Variants in GRAMD1B observed in about 807,000 individuals in gnomAD.
The protein encoded by GRAMD1B is protein Aster-B.
A neutral mutation model predicts 99.7 loss-of-function variants in GRAMD1B; 37 were observed. The observed-to-expected ratio is 0.37, with a 90% confidence interval of 0.29 to 0.49. GRAMD1B has a LOEUF of 0.49. GRAMD1B is among the 20% of genes least tolerant of loss of function. GRAMD1B has a pLI of 0.98. For synonymous variants in GRAMD1B, 427 were observed against 387.6 expected (o/e 1.10, Z -1.19); for missense variants, 888 against 1,009.2 (o/e 0.88, Z 1.63).
chr11:123,535,301 TTC>T (rs1943851504), intron 2 of GRAMD1B, among the ~76,000 whole-genome samples: 1 of 152,050 alleles, frequency 6.6e-6, no homozygotes, highest in African/African-American at 2.4e-5. Context: ...TTTTTTTTTT[TTC>T]CCCCATTTTA....
At chr11:123,438,486 GA>G (rs2134243139) in intron 1 of GRAMD1B, among the ~76,000 whole-genome samples, 1 of 152,252 alleles carries the variant, frequency 6.6e-6, no homozygotes, top group South Asian at 2.1e-4. Context: ...GAGGTGTGAG[GA>G]TGACCCTGTT....
intron 1 of GRAMD1B, among the ~76,000 whole-genome samples, chr11:123,470,029 G>GA (rs1327409777): frequency 6.6e-6 from 1 of 152,114 alleles, no homozygotes; most frequent in Non-Finnish European, 1.5e-5. Context: ...AAAGTATGGG[G>GA]AAATAGAGTC....
chr11:123,480,254 T>A (rs899478381), intron 1 of GRAMD1B, among the ~76,000 whole-genome samples: 13 of 152,234 alleles, frequency 8.5e-5, no homozygotes, highest in Non-Finnish European at 1.8e-4. Flanking sequence ...CGCCTCAGCC[T>A]CCCCTGGAGG....
chr11:123,593,925 A>C (rs1234906313), intron 4 of GRAMD1B, among the ~76,000 whole-genome samples, 157 bp from the exon 5 acceptor site: 1 of 152,084 alleles, frequency 6.6e-6, no homozygotes, highest in African/African-American at 2.4e-5. Flanking sequence ...CTCCACACCG[A>C]GGCGCCGTTC....
rs770249241 is a variant in GRAMD1B at position 123,609,898 on chromosome 11, T to C, written c.1761T>C (p.Thr587=). Residue 587 remains threonine (T), a synonymous_variant, in exon 13 of 20, where the codon ACT becomes ACC. Coordinates refer to ENST00000635736, the MANE Select transcript of GRAMD1B (RefSeq NM_001387025.1). ...LTNPLAPKTA[T]VRETQTMYKA... ...ACCCTCTGGCTCCCAAAACTGCCAC[T>C]GTCAGGGAGACACAGGTGAGCAGAG... 1.3e-6 allele frequency: 2 copies of C among 1,575,924 alleles called. No individual in the cohort carries two copies. Among genetic ancestry groups the C allele is most frequent in the African/African-American group, 1.3e-5 (1 of 74,280 alleles).
intron 7 of GRAMD1B, chr11:123,597,914 G>T: frequency 1.0e-6 from 1 of 975,780 alleles, no homozygotes; most frequent in Non-Finnish European, 1.7e-6. Flanking sequence ...GCCTGGGCTA[G>T]CCCCAAAGCT....
rs562439650 is a variant in GRAMD1B at position 123,576,342 on chromosome 11, C to G, written c.453-1025C>G. ...GGTGGGCAGGACACCCCAGCAGCCC[C>G]GTGCAGGCTTTCCAATCTCACATTT... is the stretch of plus-strand genomic sequence containing the variant. On this transcript the variant is annotated intron_variant, in intron 2 of 19. Coordinates refer to ENST00000635736, the MANE Select transcript of GRAMD1B (RefSeq NM_001387025.1). Among the ~76,000 whole-genome samples the G allele has an allele frequency of 2.8e-3, 422 of 152,332 alleles. 1 individual carries two copies. Among genetic ancestry groups the G allele is most frequent in the Middle Eastern group, 6.8e-3 (2 of 294 alleles).
chr11:123,510,041 A>G lies in GRAMD1B; in HGVS notation c.452+29148A>G, dbSNP rs2135279591. Reference sequence around the variant, plus strand: ...TCAGTCTGAATGTTATTGCAAGGTGAGTGGCTTCACCGGGCGAATTTCTCT... The same window carrying G: ...TCAGTCTGAATGTTATTGCAAGGTGGGTGGCTTCACCGGGCGAATTTCTCT... On this transcript the variant is annotated intron_variant, in intron 2 of 19. Coordinates refer to ENST00000635736, the MANE Select transcript of GRAMD1B (RefSeq NM_001387025.1). This position sits in a 1 kb window ranked among gnomAD's most constrained non-coding sequence, Gnocchi z 4.3. The G allele has an allele frequency of 6.6e-6, 1 of 152,336 alleles. No individual in the cohort carries two copies. Among genetic ancestry groups the G allele is most frequent in the Middle Eastern group, 3.4e-3 (1 of 294 alleles). The allele number at this position is 152,336 out of a possible 1,614,324, so 9.4% of individuals were successfully genotyped here.
intron 17 of GRAMD1B, among the ~76,000 whole-genome samples, chr11:123,615,292 A>G (rs1954202465): frequency 6.6e-6 from 1 of 152,260 alleles, no homozygotes; most frequent in African/African-American, 2.4e-5. Flanking sequence ...GACAAAATCA[A>G]TGCCTACAAT....
intron 3 of GRAMD1B, among the ~76,000 whole-genome samples, chr11:123,578,673 C>G (rs1410853858): frequency 1.3e-5 from 2 of 152,208 alleles, no homozygotes; most frequent in Non-Finnish European, 2.9e-5. Context: ...GCACCCATGT[C>G]TGCCTGCTCC....
intron 1 of GRAMD1B, among the ~76,000 whole-genome samples, chr11:123,417,383 G>GA (rs1291690151): frequency 6.6e-6 from 1 of 151,866 alleles, no homozygotes; most frequent in African/African-American, 2.4e-5. Context: ...AAAGAAAAAA[G>GA]AAAAAAAGAA....
chr11:123,396,371 G>T (rs565440547), intron 1 of GRAMD1B, among the ~76,000 whole-genome samples: 84 of 151,726 alleles, frequency 5.5e-4, no homozygotes, highest in African/African-American at 2.0e-3. Context: ...CGCCTCCCAG[G>T]TTTAAGCAAT....
chr11:123,614,780 C>T lies in GRAMD1B; in HGVS notation c.2263C>T (p.Pro755Ser), dbSNP rs1592288801. 6.2e-7 allele frequency: 1 copy of T among 1,612,516 alleles called. No homozygotes were observed. The highest frequency in any genetic ancestry group is 2.2e-5 in the East Asian group (1 of 44,868). ...TQTRHIPEDT[P>S]NGFHLQSVSK... Reference sequence around the variant, plus strand: ...GACGCGGCATATCCCGGAGGACACCCCCAACGGTTTCCACCTGCAGAGCGT... The same window carrying T: ...GACGCGGCATATCCCGGAGGACACCTCCAACGGTTTCCACCTGCAGAGCGT... The change falls in exon 17 of 20, where the codon CCC becomes TCC. Residue 755 changes from proline to serine, a missense_variant. This residue lies in a region of GRAMD1B where 232 missense variants were observed against 261.7 expected (regional missense o/e 0.89). Coordinates refer to ENST00000635736, the MANE Select transcript of GRAMD1B (RefSeq NM_001387025.1).
In GRAMD1B at chr11:123,541,538, A is replaced by T. The variant is rs1295755; in HGVS notation, c.453-35829A>T. On this transcript the variant is annotated intron_variant, in intron 2 of 19. Coordinates refer to ENST00000635736, the MANE Select transcript of GRAMD1B (RefSeq NM_001387025.1). ...CTATTTATATTTCTTCTGTGAATTG[A>T]TTTTTTTTTTTTTTGGCCTTTGCTC... is the stretch of plus-strand genomic sequence containing the variant. Among the ~76,000 whole-genome samples, 864 of 143,200 alleles carry T rather than the reference A, an allele frequency of 6.0e-3. 18 individuals are homozygous for T. The highest frequency in any genetic ancestry group is 0.018 in the African/African-American group (660 of 37,236). 93.9% of individuals were successfully genotyped at this position (143,200 alleles called of 152,430 possible). A position where few individuals can be genotyped will look rare whatever the true frequency, so the allele number is the denominator to read the frequency against.
chr11:123,614,925 AC>A lies in GRAMD1B; in HGVS notation c.2318+93del, dbSNP rs1954143303. The A allele has an allele frequency of 3.7e-5, 25 of 683,922 alleles. No individual in the cohort carries two copies. In the South Asian group the frequency reaches 4.8e-4, roughly 13 times the overall value. 42.4% of individuals were successfully genotyped at this position (683,922 alleles called of 1,614,324 possible). A position where few individuals can be genotyped will look rare whatever the true frequency, so the allele number is the denominator to read the frequency against. On this transcript the variant is annotated intron_variant, in intron 17 of 19. Coordinates refer to ENST00000635736, the MANE Select transcript of GRAMD1B (RefSeq NM_001387025.1). Reference sequence around the variant, plus strand: ...CCCTCGTCTCTTGAAGCATCTGAGCACCCTTACTGTTTGCCCTGGTTTTTGC... The same window carrying A: ...CCCTCGTCTCTTGAAGCATCTGAGCACCTTACTGTTTGCCCTGGTTTTTGC...
At chr11:123,540,111 G>C (rs1005271703) in intron 2 of GRAMD1B, among the ~76,000 whole-genome samples, 1 of 151,506 alleles carries the variant, frequency 6.6e-6, no homozygotes, top group African/African-American at 2.4e-5. Flanking sequence ...TGTCATGTGG[G>C]CTGGAGTGCA....
intron 2 of GRAMD1B, among the ~76,000 whole-genome samples, chr11:123,511,292 T>G (rs1030065925): frequency 6.6e-6 from 1 of 152,104 alleles, no homozygotes; most frequent in African/African-American, 2.4e-5. Context: ...AGAGGAGTTT[T>G]TATGTGAGTG....
chr11:123,581,932 A>C (rs1430208244), intron 3 of GRAMD1B, among the ~76,000 whole-genome samples: 1 of 152,194 alleles, frequency 6.6e-6, no homozygotes, highest in African/African-American at 2.4e-5. Flanking sequence ...GTGCAGGAGG[A>C]GTCACAGGCA....
At chr11:123,613,767 G>A in intron 16 of GRAMD1B, 109 bp downstream of exon 16, 2 of 740,962 alleles carry the variant, frequency 2.7e-6, no homozygotes, top group Non-Finnish European at 2.2e-6. Flanking sequence ...GCTATAATTT[G>A]TATATAATTT....
Sources: gnomAD v4.1 joint callset for allele counts (sites outside exome capture counted in the v4.1 genomes callset) on GRCh38, gnomAD v4.1.1 for gene constraint, gnomAD v4.1.1 regional missense constraint, Gnocchi (gnomAD v3.1) non-coding constraint, MANE v1.5 for transcripts, NCBI Gene and HGNC (gene_info 2026-07-23, HGNC 2026-07-21) for gene names.